Variants in ACER1 observed in about 807,000 individuals in gnomAD.
The protein encoded by ACER1 is CTB-180A7.3.
In ACER1, 28 loss-of-function variants were observed where a neutral mutation model predicts 24.9. The observed-to-expected ratio is 1.13, with a 90% CI of 0.83 to 1.54. ACER1 has a LOEUF of 1.54. Ranked by LOEUF, ACER1 falls within the 40% of genes most tolerant of loss-of-function variation. ACER1 has a pLI of 0.00. For synonymous variants in ACER1, 132 were observed against 131.4 expected (o/e 1.00, Z -0.03); for missense variants, 352 against 349.3 (o/e 1.01, Z -0.06).
the ACER1 span, among the ~76,000 whole-genome samples, chr19:6,351,736 A>T: frequency 1.3e-5 from 2 of 151,228 alleles, no homozygotes; most frequent in African/African-American, 4.9e-5. Flanking sequence ...CTGTCTCCAA[A>T]AATTAAATAA....
chr19:6,357,244 A>G, the ACER1 span, among the ~76,000 whole-genome samples: 1 of 151,560 alleles, frequency 6.6e-6, no homozygotes, highest in Non-Finnish European at 1.5e-5. Context: ...ACGGGGTTTC[A>G]CCACGTTGGT....
At chr19:6,344,166 G>A in the ACER1 span, among the ~76,000 whole-genome samples, 1 of 152,076 alleles carries the variant, frequency 6.6e-6, no homozygotes, top group Non-Finnish European at 1.5e-5. Flanking sequence ...GGCGACGGGA[G>A]GCTGAGGCAG....
intron 1 of ACER1, among the ~76,000 whole-genome samples, chr19:6,327,507 G>A (rs61365673): frequency 2.0e-5 from 3 of 152,000 alleles, no homozygotes; most frequent in Non-Finnish European, 4.4e-5. Flanking sequence ...GGAGCTTGCA[G>A]TGAGCCGAGA....
chr19:6,323,418 CAAAAAAAAAAAA>C (rs2091642590), intron 1 of ACER1, among the ~76,000 whole-genome samples: 1 of 128,308 alleles, frequency 7.8e-6, no homozygotes, highest in Non-Finnish European at 1.7e-5. Flanking sequence ...GACTCCGTCT[CAAAAAAAAAAAA>C]GAAAAAAAGA....
chr19:6,314,195 T>C (rs1202354297), intron 1 of ACER1, among the ~76,000 whole-genome samples: 2 of 150,662 alleles, frequency 1.3e-5, no homozygotes, highest in African/African-American at 2.4e-5. Flanking sequence ...ATTGGCCAGG[T>C]GCAGTGGATC....
At chr19:6,326,264 A>T (rs895184712) in intron 1 of ACER1, among the ~76,000 whole-genome samples, 2 of 151,520 alleles carry the variant, frequency 1.3e-5, no homozygotes, top group Admixed American at 6.6e-5. Flanking sequence ...AGTAGCTGGG[A>T]CCACAGGCGC....
chr19:6,307,028 A>G, intron 5 of ACER1, 125 bp downstream of exon 5: 2 of 1,502,490 alleles, frequency 1.3e-6, no homozygotes, highest in East Asian at 4.5e-5. Flanking sequence ...CCCTACCGCC[A>G]GGTCCCAGTG....
At chr19:6,354,416 G>A in the ACER1 span, among the ~76,000 whole-genome samples, 1 of 152,032 alleles carries the variant, frequency 6.6e-6, no homozygotes, top group African/African-American at 2.4e-5. Context: ...GTGGCCTTTT[G>A]TACTTTCAAA....
Position 6,312,237 on chromosome 19 carries a change from C to G in ACER1, c.262G>C (p.Asp88His). The G allele has an allele frequency of 6.2e-7, 1 of 1,614,052 alleles. No homozygotes were observed. Among genetic ancestry groups the G allele is most frequent in the Non-Finnish European group, 8.5e-7 (1 of 1,179,952 alleles). Residue 88 changes from aspartate (D) to histidine (H), a missense_variant, in exon 3 of 6, where the codon GAC becomes CAC. Physicochemically the swap from Asp to His is moderately conservative, Grantham distance 81. Transcript: ENST00000301452. ...MTLSFLGQLL[D>H]EIAILWLLGS... The stretch of plus-strand genomic sequence containing the variant: ...AGGAGCCACAGGATGGCGATCTCGT[C>G]CAGCAGCTGGCCCAGGAAGCTGAGC...
At chr19:6,335,146 T>C (rs756604896), upstream of ACER1, among the ~76,000 whole-genome samples, 3 of 146,108 alleles carry the variant, frequency 2.1e-5, no homozygotes, top group Admixed American at 6.9e-5. Context: ...TATAATTTAA[T>C]ATAATAATTA....
At chr19:6,332,828 A>G (rs1469955627) in intron 1 of ACER1, among the ~76,000 whole-genome samples, 2 of 151,994 alleles carry the variant, frequency 1.3e-5, no homozygotes, top group South Asian at 2.1e-4. Context: ...CTGACACCGT[A>G]CCCAGCTAAT....
chr19:6,327,111 G>A (rs2091664835), intron 1 of ACER1, among the ~76,000 whole-genome samples: 2 of 152,062 alleles, frequency 1.3e-5, no homozygotes, highest in Non-Finnish European at 2.9e-5. Flanking sequence ...ATGAGCTGCT[G>A]GGCTCTGCAT....
the ACER1 span, among the ~76,000 whole-genome samples, chr19:6,351,467 A>C: frequency 6.6e-6 from 1 of 152,014 alleles, no homozygotes; most frequent in Admixed American, 6.6e-5. Context: ...GTGGTGGCTC[A>C]TGCCTGTAAT....
At chr19:6,321,696 C>T (rs1231054786) in intron 1 of ACER1, among the ~76,000 whole-genome samples, 1 of 152,276 alleles carries the variant, frequency 6.6e-6, no homozygotes, top group Non-Finnish European at 1.5e-5. Flanking sequence ...CAACCTCCGC[C>T]TTCTGGGTTC....
At chr19:6,333,957 G>A (rs998986501), upstream of ACER1, among the ~76,000 whole-genome samples, 3 of 152,190 alleles carry the variant, frequency 2.0e-5, no homozygotes, top group African/African-American at 7.2e-5. Context: ...ATAGCTCACC[G>A]CAGCCTCAAA....
intron 1 of ACER1, among the ~76,000 whole-genome samples, chr19:6,322,224 G>C (rs1210760874): frequency 1.3e-5 from 2 of 152,196 alleles, no homozygotes; most frequent in South Asian, 4.1e-4. Flanking sequence ...TCATCCCTAA[G>C]TCATTTGTAA....
chr19:6,309,482 C>T (rs1226920881), intron 4 of ACER1, among the ~76,000 whole-genome samples: 3 of 151,268 alleles, frequency 2.0e-5, no homozygotes, highest in African/African-American at 7.3e-5. Context: ...AGATCACGCC[C>T]CTGCACTCCA....
At chr19:6,312,584 G>T in intron 1 of ACER1, 85 bp from the exon 2 acceptor site, 1 of 1,045,076 alleles carries the variant, frequency 9.6e-7, no homozygotes, top group Admixed American at 1.8e-5. Context: ...TCAGTCACCA[G>T]CCAGTCGGTT....
the ACER1 span, among the ~76,000 whole-genome samples, chr19:6,358,933 C>CAAAAAAAAAAAAAAAAAAAAA: frequency 1.3e-5 from 1 of 75,400 alleles, no homozygotes; most frequent in African/African-American, 5.9e-5. Flanking sequence ...AACTCTGTCT[C>CAAAAAAAAAAAAAAAAAAAAA]AAAAAAAAAA....
Sources: allele counts gnomAD v4.1 joint callset (sites outside exome capture counted in the v4.1 genomes callset), GRCh38; gene constraint gnomAD v4.1.1; transcripts MANE v1.5; gene names NCBI Gene and HGNC (gene_info 2026-07-23, HGNC 2026-07-21).